Variants in METTL2A observed in about 807,000 individuals in gnomAD.
The protein encoded by METTL2A is methyltransferase 2A, tRNA N3-cytidine.
In METTL2A, 45 loss-of-function variants were observed where a neutral mutation model predicts 49.4. The ratio of observed to expected loss-of-function variants is 0.91; its 90% CI spans 0.72 to 1.17. The LOEUF (loss-of-function observed/expected upper bound fraction) is 1.17, where lower values mean the gene tolerates loss of function less well. METTL2A is among the 50% of genes most tolerant of loss of function. The pLI is 0.00. For synonymous variants in METTL2A, 118 were observed against 167.5 expected (o/e 0.70, Z 2.28); for missense variants, 361 against 462.2 (o/e 0.78, Z 2.01).
In METTL2A at chr17:62,448,775, CTT is replaced by C; in HGVS notation, c.*51_*52del. 6.3e-7 allele frequency: 1 copy of C among 1,595,966 alleles called. No individual in the cohort carries two copies. Among genetic ancestry groups the C allele is most frequent in the South Asian group, 1.1e-5 (1 of 88,766 alleles). ...GATGCAAGCCCATTGTGTTTCCGGG[CTT>C]TTTTAAAAAAAAAATTGTAGCACTG... On this transcript the variant is annotated 3_prime_UTR_variant, in exon 9 of 9. Coordinates refer to ENST00000311506, the MANE Select transcript of METTL2A (RefSeq NM_181725.4).
rs1290217813 is a variant in METTL2A, at chr17:62,451,349, T to C, written c.*2620T>C. ...TTTTAGTAGAGACAGAGTTTCTCCA[T>C]GTTGGTCAGGCTGATCTCGAACTCC... is the stretch of plus-strand genomic sequence containing the variant. On this transcript the variant is annotated 3_prime_UTR_variant, in exon 9 of 9. Transcript: ENST00000311506. Among the ~76,000 whole-genome samples, 1 of 151,426 alleles carries C rather than the reference T, an allele frequency of 6.6e-6. No homozygotes were observed. Among genetic ancestry groups the C allele is most frequent in the Non-Finnish European group, 1.5e-5 (1 of 67,774 alleles).
In METTL2A at chr17:62,450,500, A is replaced by G. The variant is rs2070799622; in HGVS notation, c.*1771A>G. On this transcript the variant is annotated 3_prime_UTR_variant, in exon 9 of 9. Transcript: ENST00000311506. ...TACATATTTCTCTCTTGATCCATGC[A>G]GTTATAGGATATATCCTTAATTTTA... The G allele has an allele frequency of 6.6e-6, 1 of 151,782 alleles. No homozygotes were observed. Among genetic ancestry groups the G allele is most frequent in the Non-Finnish European group, 1.5e-5 (1 of 67,990 alleles). The allele number at this position is 151,782 out of a possible 1,614,324, so 9.4% of individuals were successfully genotyped here.
rs1449548127 is a variant in METTL2A at position 62,451,403 on chromosome 17, C to G, written c.*2674C>G. Among the ~76,000 whole-genome samples the G allele has an allele frequency of 1.3e-5, 2 of 150,712 alleles. No homozygotes were observed. Among genetic ancestry groups the G allele is most frequent in the Non-Finnish European group, 3.0e-5 (2 of 67,718 alleles). ...CCTCAGGTGATCTGCCCGCCTTGGC[C>G]TCCCAAAGTGCTGGGATTACAGGCG... is the stretch of plus-strand genomic sequence containing the variant. On this transcript the variant is annotated 3_prime_UTR_variant, in exon 9 of 9. Transcript: ENST00000311506.
At chr17:62,434,407 A>C (rs1437057265) in intron 4 of METTL2A, among the ~76,000 whole-genome samples, 1 of 152,002 alleles carries the variant, frequency 6.6e-6, no homozygotes, top group Non-Finnish European at 1.5e-5. Context: ...GGTATTGCAT[A>C]CTCCCAAAAA....
At chr17:62,426,870 C>T (rs1427763723) in intron 3 of METTL2A, among the ~76,000 whole-genome samples, 3 of 152,230 alleles carry the variant, frequency 2.0e-5, no homozygotes, top group Admixed American at 2.0e-4. Context: ...AAAGATCACA[C>T]GAGAATAGCA....
intron 6 of METTL2A, 57 bp downstream of exon 6, chr17:62,440,813 C>CA (rs1555575974): frequency 6.4e-7 from 1 of 1,553,146 alleles, no homozygotes; most frequent in Non-Finnish European, 8.7e-7. Context: ...GGTGAGGGAC[C>CA]TTTTTTTTTA....
chr17:62,425,130 G>C (rs929182301), intron 2 of METTL2A, among the ~76,000 whole-genome samples: 1 of 151,414 alleles, frequency 6.6e-6, no homozygotes, highest in Non-Finnish European at 1.5e-5. Flanking sequence ...TTTCCCAGAG[G>C]TAAGCAGTCA....
In METTL2A at chr17:62,424,206, T is replaced by G. The variant is rs774198974; in HGVS notation, c.111-13T>G. ...GACGTGAGGCCCCTAAGCTGCCCGT[T>G]TGATTTTCTCAGGGACAATGTGGAG... On this transcript the variant is annotated splice_polypyrimidine_tract_variant and intron_variant, in intron 1 of 8. Transcript: ENST00000311506. 6.2e-7 allele frequency: 1 copy of G among 1,614,170 alleles called. No individual in the cohort carries two copies.
chr17:62,436,880 C>T (rs984079730), intron 5 of METTL2A, among the ~76,000 whole-genome samples: 2 of 152,188 alleles, frequency 1.3e-5, no homozygotes, highest in African/African-American at 4.8e-5. Flanking sequence ...CTCTCAAACC[C>T]TGCTGCTGCT....
At chr17:62,435,660 G>A (rs149391834) in intron 5 of METTL2A, among the ~76,000 whole-genome samples, 2 of 152,092 alleles carry the variant, frequency 1.3e-5, no homozygotes, top group African/African-American at 2.4e-5. Context: ...TGTTGTACTT[G>A]GTTTGGGGTT....
At chr17:62,430,044 CAA>C (rs1449584999) in intron 4 of METTL2A, among the ~76,000 whole-genome samples, 2 of 152,192 alleles carry the variant, frequency 1.3e-5, no homozygotes, top group Admixed American at 1.3e-4. Context: ...CACTGTTTCT[CAA>C]AGGTTTCATA....
chr17:62,443,851 T>G (rs182807165), intron 6 of METTL2A, among the ~76,000 whole-genome samples: 15 of 152,174 alleles, frequency 9.9e-5, no homozygotes, highest in Admixed American at 2.0e-4. Context: ...CTTGGCCGTT[T>G]TTTTGTTTTT....
At position 62,424,287 on chromosome 17, in the gene METTL2A, A is replaced by T. The variant is rs2070607845; in HGVS notation, c.179A>T (p.Gln60Leu). Residue 60 changes from glutamine to leucine, a missense_variant, in exon 2 of 9, where the codon CAG becomes CTG. Around this residue, in one of 3 missense-constraint regions of METTL2A, gnomAD observed 150 missense variants for 170.1 expected, o/e 0.88. Transcript: ENST00000311506. The stretch of plus-strand genomic sequence containing the variant: ...AGAAAAGTCCAGGAGAACAGTATCC[A>T]GCGGGTGTGCCAGGAGAAACAAGGT... ...AERKVQENSI[Q>L]RVCQEKQVDY... 1 of 1,614,008 alleles carries T rather than the reference A, an allele frequency of 6.2e-7. No homozygotes were observed. Among genetic ancestry groups the T allele is most frequent in the Non-Finnish European group, 8.5e-7 (1 of 1,179,902 alleles).
In METTL2A at chr17:62,452,479, A is replaced by G. The variant is rs2070811273; in HGVS notation, c.*3750A>G. On this transcript the variant is annotated 3_prime_UTR_variant, in exon 9 of 9. Transcript: ENST00000311506. ...GTATCTATTGCTGCTTTTTGGCTGA[A>G]TAACTATGATAGTTGCCAAATAGTG... is the stretch of plus-strand genomic sequence containing the variant. Among the ~76,000 whole-genome samples the G allele has an allele frequency of 6.6e-6, 1 of 152,226 alleles. No individual in the cohort carries two copies. Among genetic ancestry groups the G allele is most frequent in the South Asian group, 2.1e-4 (1 of 4,828 alleles).
chr17:62,437,800 C>T (rs183253168), intron 5 of METTL2A, among the ~76,000 whole-genome samples: 9 of 151,814 alleles, frequency 5.9e-5, no homozygotes, highest in Admixed American at 2.0e-4. Context: ...GGTGAAACCC[C>T]GTCTCTACTA....
At chr17:62,448,104 C>G (rs1186641273) in intron 8 of METTL2A, among the ~76,000 whole-genome samples, 14 of 152,162 alleles carry the variant, frequency 9.2e-5, no homozygotes, top group Admixed American at 9.2e-4. Flanking sequence ...TTGGTGTGCC[C>G]GGGTCAGGGT....
At chr17:62,425,753 C>G (rs2070620315) in intron 2 of METTL2A, among the ~76,000 whole-genome samples, 1 of 149,052 alleles carries the variant, frequency 6.7e-6, no homozygotes, top group Non-Finnish European at 1.5e-5. Context: ...GTAATCCCAG[C>G]ACTTTGGGAG....
chr17:62,438,567 ACT>A (rs1270802376), intron 5 of METTL2A, among the ~76,000 whole-genome samples: 1 of 142,910 alleles, frequency 7.0e-6, no homozygotes, highest in Non-Finnish European at 1.5e-5. Flanking sequence ...ACAGAACAAG[ACT>A]CTGTTTCAAA....
chr17:62,439,986 T>C (rs1313283937), intron 5 of METTL2A, among the ~76,000 whole-genome samples: 2 of 152,048 alleles, frequency 1.3e-5, no homozygotes, highest in Admixed American at 6.6e-5. Context: ...TGCTATTAGA[T>C]TGATGCAAAA....
Sources: gnomAD v4.1 joint callset for allele counts (sites outside exome capture counted in the v4.1 genomes callset) on GRCh38, gnomAD v4.1.1 for gene constraint, gnomAD v4.1.1 regional missense constraint, MANE v1.5 for transcripts, NCBI Gene and HGNC (gene_info 2026-07-23, HGNC 2026-07-21) for gene names.